Variants in NAALADL2 observed in about 807,000 individuals in gnomAD.
The protein encoded by NAALADL2 is N-acetylated alpha-linked acidic dipeptidase like 2.
NAALADL2 carries 76 observed loss-of-function variants against 87.2 expected under a neutral mutation model. The observed-to-expected ratio is 0.87, with a 90% CI of 0.72 to 1.05. The LOEUF (loss-of-function observed/expected upper bound fraction) is 1.05, where lower values mean the gene tolerates loss of function less well. Ranked by LOEUF, NAALADL2 falls within the 50% of genes least tolerant of loss-of-function variation. NAALADL2 has a pLI of 0.00. For missense variants in NAALADL2, 1,089 were observed against 945.8 expected, an observed-to-expected ratio of 1.15 and a Z score of -1.99; for synonymous variants, 354 against 331.0, an observed-to-expected ratio of 1.07 and a Z score of -0.75.
chr3:175,499,707 T>C (rs1271285678), intron 9 of NAALADL2, among the ~76,000 whole-genome samples: 1 of 152,146 alleles, frequency 6.6e-6, no homozygotes, highest in Non-Finnish European at 1.5e-5. Context: ...CCCACTTATT[T>C]AATTTTGCCA....
At chr3:174,592,482 G>T (rs56057104) in intron 2 of NAALADL2, among the ~76,000 whole-genome samples, 1 of 152,046 alleles carries the variant, frequency 6.6e-6, no homozygotes, top group Non-Finnish European at 1.5e-5. Flanking sequence ...AGTTAGGTAA[G>T]GATTGGGACC....
At chr3:175,793,233 C>T (rs926053502) in intron 13 of NAALADL2, among the ~76,000 whole-genome samples, 5 of 151,194 alleles carry the variant, frequency 3.3e-5, no homozygotes, top group Admixed American at 2.6e-4. Context: ...CTTTGTACTA[C>T]GTGACAATGA....
intron 4 of NAALADL2, among the ~76,000 whole-genome samples, chr3:175,304,099 G>A (rs899470158): frequency 6.6e-6 from 1 of 151,622 alleles, no homozygotes; most frequent in African/African-American, 2.4e-5. Context: ...ACAATTTCAA[G>A]ACAAAGTAAT....
chr3:175,746,959 C>T (rs988385936), intron 12 of NAALADL2, among the ~76,000 whole-genome samples: 3 of 152,150 alleles, frequency 2.0e-5, no homozygotes, highest in African/African-American at 7.2e-5. Flanking sequence ...GGCACATCCT[C>T]TAACACACTT....
intron 2 of NAALADL2, among the ~76,000 whole-genome samples, chr3:174,553,402 A>T (rs1227764480): frequency 1.3e-5 from 2 of 152,322 alleles, no homozygotes; most frequent in Middle Eastern, 3.4e-3. Context: ...AGCTTAAGCT[A>T]TGCAAAACTG....
intron 1 of NAALADL2, among the ~76,000 whole-genome samples, chr3:174,929,431 C>T (rs189192741): frequency 3.3e-5 from 5 of 152,168 alleles, no homozygotes; most frequent in East Asian, 1.9e-4. Flanking sequence ...TTATTCTCCT[C>T]CTCTAAAAAT....
chr3:175,257,396 A>G (rs1750175889), intron 4 of NAALADL2, among the ~76,000 whole-genome samples: 1 of 151,930 alleles, frequency 6.6e-6, no homozygotes, highest in Non-Finnish European at 1.5e-5. Context: ...TCTTCCAATA[A>G]TACTCTTATC....
intron 11 of NAALADL2, among the ~76,000 whole-genome samples, chr3:175,638,235 A>G (rs988276962): frequency 5.9e-5 from 9 of 152,210 alleles, no homozygotes; most frequent in Non-Finnish European, 1.0e-4. Context: ...TTCGATCCAC[A>G]TAACTGACTG....
At chr3:174,825,285 T>C (rs544229829) in intron 3 of NAALADL2, among the ~76,000 whole-genome samples, 134 of 150,886 alleles carry the variant, frequency 8.9e-4, no homozygotes, top group African/African-American at 3.2e-3. Context: ...ATAGAGTAAT[T>C]CCCAGTCCAA....
chr3:174,640,103 T>TCCCTCC (rs2108726918), intron 2 of NAALADL2, among the ~76,000 whole-genome samples: 1 of 152,288 alleles, frequency 6.6e-6, no homozygotes. Context: ...GGAAGCTTGG[T>TCCCTCC]ATATAATGAT....
At chr3:175,002,836 A>G (rs969545856) in intron 1 of NAALADL2, among the ~76,000 whole-genome samples, 16 of 152,172 alleles carry the variant, frequency 1.1e-4, no homozygotes, top group African/African-American at 2.9e-4. Flanking sequence ...TCCTACAGGA[A>G]TTAAGGATGC....
At chr3:174,504,037 G>A (rs1219740427) in intron 1 of NAALADL2, among the ~76,000 whole-genome samples, 1 of 152,068 alleles carries the variant, frequency 6.6e-6, no homozygotes, top group African/African-American at 2.4e-5. Context: ...AAAACAAAAT[G>A]TTACTATAAG....
intron 1 of NAALADL2, among the ~76,000 whole-genome samples, chr3:174,519,327 T>C (rs1426098651): frequency 7.9e-6 from 1 of 125,968 alleles, no homozygotes; most frequent in Non-Finnish European, 1.6e-5. Context: ...GAAGATTTCC[T>C]TTTTTTTTTT....
intron 1 of NAALADL2, among the ~76,000 whole-genome samples, chr3:174,910,314 A>G (rs765981771): frequency 9.9e-5 from 15 of 152,108 alleles, no homozygotes; most frequent in Non-Finnish European, 1.5e-5. Context: ...GTGTGTGTGT[A>G]TAACTATATA....
At chr3:174,600,308 C>CT (rs1472825312) in intron 2 of NAALADL2, among the ~76,000 whole-genome samples, 1 of 151,746 alleles carries the variant, frequency 6.6e-6, no homozygotes, top group East Asian at 1.9e-4. Context: ...ATGAGGAATT[C>CT]TTTTTTTTAA....
intron 9 of NAALADL2, among the ~76,000 whole-genome samples, chr3:175,481,316 G>A (rs1224035359): frequency 6.7e-6 from 1 of 149,178 alleles, no homozygotes; most frequent in Non-Finnish European, 1.5e-5. Flanking sequence ...AGATTTCTTT[G>A]TCATTACTAA....
At chr3:174,925,661 G>A (rs1735910688) in intron 1 of NAALADL2, among the ~76,000 whole-genome samples, 1 of 152,042 alleles carries the variant, frequency 6.6e-6, no homozygotes, top group Non-Finnish European at 1.5e-5. Context: ...AAATTACCTT[G>A]GGCAGTATGG....
intron 5 of NAALADL2, among the ~76,000 whole-genome samples, chr3:175,440,656 G>T (rs1042232497): frequency 2.0e-5 from 3 of 152,060 alleles, no homozygotes; most frequent in African/African-American, 7.2e-5. Flanking sequence ...ATTGTAAAGG[G>T]GGTTGAGTTC....
At position 175,539,504 on chromosome 3, in the gene NAALADL2, T is replaced by A. The variant is rs528880412; in HGVS notation, c.1654-36537T>A. On this transcript the variant is annotated intron_variant, in intron 9 of 13. Transcript: ENST00000454872. ...TATTGATTTTTTATTTTATTTTAAA[T>A]TTTTTTTTAGGTTCAGAGGTACAGG... Among the ~76,000 whole-genome samples, 5 of 151,602 alleles carry A rather than the reference T, an allele frequency of 3.3e-5. No individual in the cohort carries two copies. The East Asian group carries it at 9.7e-4, about 29-fold the overall frequency.
Sources: gnomAD v4.1 joint callset for allele counts (sites outside exome capture counted in the v4.1 genomes callset) on GRCh38, gnomAD v4.1.1 for gene constraint, MANE v1.5 for transcripts, NCBI Gene and HGNC (gene_info 2026-07-23, HGNC 2026-07-21) for gene names.